The following FBXL18 variants were observed in gnomAD, a reference collection of about 807,000 sequenced individuals.
The protein encoded by FBXL18 is F-box/LRR-repeat protein 18.
A neutral mutation model predicts 46.0 loss-of-function variants in FBXL18; 36 were observed. The ratio of observed to expected loss-of-function variants is 0.78; its 90% confidence interval spans 0.60 to 1.03. The LOEUF (loss-of-function observed/expected upper bound fraction) is 1.03, where lower values mean the gene tolerates loss of function less well. FBXL18 is among the 50% of genes least tolerant of loss of function. The pLI, the probability that FBXL18 is intolerant of heterozygous loss-of-function variation, is 0.00. For missense variants in FBXL18, 977 were observed against 1,004.1 expected (o/e 0.97, Z 0.36); for synonymous variants, 557 against 465.3 (o/e 1.20, Z -2.54).
Position 5,476,898 on chromosome 7 carries a change from T to A in FBXL18, c.*4877A>T, listed in dbSNP as rs1783529335. The A allele has an allele frequency of 6.6e-6, 1 of 151,850 alleles. No homozygotes were observed. Among genetic ancestry groups the A allele is most frequent in the African/African-American group, 2.4e-5 (1 of 41,306 alleles). 9.4% of individuals were successfully genotyped at this position (151,850 alleles called of 1,614,324 possible). On this transcript the variant is annotated 3_prime_UTR_variant, in exon 5 of 5. Coordinates refer to ENST00000382368, the MANE Select transcript of FBXL18 (RefSeq NM_024963.6). ...GATCTAGAAACTTCTTTTGTTTTTT[T>A]TTTTTTTGAGACGGAGTCTCACTCT...
rs967390327 is a variant in FBXL18 at position 5,477,748 on chromosome 7, A to G, written c.*4027T>C. 1 of 150,952 alleles carries G rather than the reference A, an allele frequency of 6.6e-6. No individual in the cohort carries two copies. The highest frequency in any genetic ancestry group is 1.5e-5 in the Non-Finnish European group (1 of 67,894). The allele number at this position is 150,952 out of a possible 1,614,324, so 9.4% of individuals were successfully genotyped here. A position where few individuals can be genotyped will look rare whatever the true frequency, so the allele number is the denominator to read the frequency against. On this transcript the variant is annotated 3_prime_UTR_variant, in exon 5 of 5. Coordinates refer to ENST00000382368, the MANE Select transcript of FBXL18 (RefSeq NM_024963.6). The surrounding 1 kb of genome is among the most constrained non-coding windows in gnomAD (Gnocchi z 4.4). ...TCTGTAATTTTCAGATCCTAAAAGGAGCAGATAACAGGGGAAGAGGAGGTG... is the reference window on the plus strand; with the variant it reads ...TCTGTAATTTTCAGATCCTAAAAGGGGCAGATAACAGGGGAAGAGGAGGTG...
intron 4 of FBXL18, among the ~76,000 whole-genome samples, chr7:5,465,728 T>A (rs1783331998): frequency 1.3e-5 from 2 of 152,066 alleles, no homozygotes; most frequent in Non-Finnish European, 2.9e-5. Context: ...TTGGGTACTA[T>A]GTTCGCTATT....
At chr7:5,469,109 A>G (rs533506386) in intron 4 of FBXL18, among the ~76,000 whole-genome samples, 1 of 151,554 alleles carries the variant, frequency 6.6e-6, no homozygotes, top group African/African-American at 2.4e-5. Flanking sequence ...TGTATGAAGA[A>G]TGTGTGTAAG....
At chr7:5,500,374 GC>G in intron 3 of FBXL18, 113 bp downstream of exon 3, 1 of 991,692 alleles carries the variant, frequency 1.0e-6, no homozygotes, top group Non-Finnish European at 1.5e-6. Context: ...GCGAGGCCCC[GC>G]CCCAGCCTCT....
intron 4 of FBXL18, among the ~76,000 whole-genome samples, chr7:5,464,233 C>A (rs1783308979): frequency 6.6e-6 from 1 of 152,052 alleles, no homozygotes; most frequent in Middle Eastern, 3.4e-3. Flanking sequence ...AATCCCAGCA[C>A]TTTGGGAGGC....
chr7:5,473,645 C>T (rs1783462579), downstream of FBXL18, among the ~76,000 whole-genome samples: 2 of 151,680 alleles, frequency 1.3e-5, no homozygotes, highest in African/African-American at 4.8e-5. Context: ...GCCTCTTACC[C>T]AGCTACTCAG....
At chr7:5,458,813 G>A (rs182242689) in intron 4 of FBXL18, among the ~76,000 whole-genome samples, 3 of 152,268 alleles carry the variant, frequency 2.0e-5, no homozygotes, top group Admixed American at 1.3e-4. Context: ...TAACAGAGCA[G>A]AAATGTCAAC....
chr7:5,467,120 G>C (rs1783352191), intron 4 of FBXL18, among the ~76,000 whole-genome samples: 1 of 152,196 alleles, frequency 6.6e-6, no homozygotes, highest in Non-Finnish European at 1.5e-5. Context: ...GGGAGGCGAA[G>C]GCGGGCGGAT....
rs1469668387 is a variant in FBXL18, at chr7:5,501,622, T to C, written c.647A>G (p.Gln216Arg). 1 of 1,613,734 alleles carries C rather than the reference T, an allele frequency of 6.2e-7. No homozygotes were observed. The highest frequency in any genetic ancestry group is 8.5e-7 in the Non-Finnish European group (1 of 1,179,934). The change falls in exon 3 of 5, where the codon CAG becomes CGG. Residue 216 changes from glutamine (Q) to arginine (R), a missense_variant. Physicochemically the swap from Gln to Arg is conservative, Grantham distance 43 (BLOSUM62 1). Transcript: ENST00000382368. ...CACGTTGCTCTGGCCCACCATAAGC[T>C]GGCCCGAGAGGATGGCGCCCTCGCG... ...RTREGAILSG[Q>R]LMVGQSNVPH...
chr7:5,466,193 A>G (rs1316300120), intron 4 of FBXL18, among the ~76,000 whole-genome samples: 2 of 149,272 alleles, frequency 1.3e-5, no homozygotes, highest in East Asian at 1.9e-4. Flanking sequence ...AAAAGAAAAG[A>G]AAAAAAAAAG....
intron 4 of FBXL18, among the ~76,000 whole-genome samples, chr7:5,456,358 C>G (rs1783174802): frequency 6.6e-6 from 1 of 152,182 alleles, no homozygotes; most frequent in African/African-American, 2.4e-5. Context: ...GGGGGCAGCT[C>G]GAATCAGTGG....
chr7:5,467,982 CTT>C (rs545171582), intron 4 of FBXL18, among the ~76,000 whole-genome samples: 39 of 139,690 alleles, frequency 2.8e-4, no homozygotes, highest in Admixed American at 3.6e-4. Flanking sequence ...CAGCCTCGAA[CTT>C]TTTTTTTTTT....
chr7:5,484,617 A>T (rs1158197698), intron 4 of FBXL18, among the ~76,000 whole-genome samples: 3 of 150,950 alleles, frequency 2.0e-5, no homozygotes, highest in African/African-American at 7.3e-5. Flanking sequence ...CCACAGGCAC[A>T]CATCACCACA....
Position 5,500,629 on chromosome 7 carries a change from C to T in FBXL18, c.1640G>A (p.Gly547Asp). 1.6e-5 allele frequency: 26 copies of T among 1,613,030 alleles called. No individual in the cohort carries two copies. The highest frequency in any genetic ancestry group is 1.9e-5 in the Non-Finnish European group (22 of 1,179,798). Residue 547 changes from glycine (G) to aspartate (D), a missense_variant, in exon 3 of 5, where the codon GGC becomes GAC. Transcript: ENST00000382368. ...CAGGCCGATATTGACCAGCCCGGAGCCCGTAAGGACGCTGGGCAGCTGTGC... is the reference window on the plus strand; with the variant it reads ...CAGGCCGATATTGACCAGCCCGGAGTCCGTAAGGACGCTGGGCAGCTGTGC... ...TLAQLPSVLT[G>D]SGLVNIGLQC...
intron 4 of FBXL18, among the ~76,000 whole-genome samples, chr7:5,470,003 G>A (rs1319251007): frequency 3.3e-5 from 5 of 152,164 alleles, no homozygotes; most frequent in Middle Eastern, 3.2e-3. Context: ...TGTCTGAAGT[G>A]TACGGGTATG....
rs763892955 is a variant in FBXL18, at chr7:5,500,809, T to A, written c.1460A>T (p.His487Leu). 6.2e-7 allele frequency: 1 copy of A among 1,612,110 alleles called. No homozygotes were observed. Among genetic ancestry groups the A allele is most frequent in the African/African-American group, 1.3e-5 (1 of 74,866 alleles). The change falls in exon 3 of 5, where the codon CAC becomes CTC. Residue 487 changes from histidine to leucine, a missense_variant. His to Leu is a moderately conservative substitution (Grantham distance 99). Transcript: ENST00000382368. ...SLLKNLPFLE[H>L]LELIGSNFSS... Reference sequence around the variant, plus strand: ...GAAGTTGGACCCAATCAGCTCGAGGTGTTCCAGGAAGGGCAGGTTCTTCAG... The same window carrying A: ...GAAGTTGGACCCAATCAGCTCGAGGAGTTCCAGGAAGGGCAGGTTCTTCAG...
Position 5,476,388 on chromosome 7 carries a change from C to G in FBXL18, c.*5387G>C, listed in dbSNP as rs1468061698. On this transcript the variant is annotated 3_prime_UTR_variant, in exon 5 of 5. Transcript: ENST00000382368. ...CCGGGACCAACCCTCATTCCCAGGTCCACTGATCTGGGGTAGGAGTAGCCA... is the reference window on the plus strand; with the variant it reads ...CCGGGACCAACCCTCATTCCCAGGTGCACTGATCTGGGGTAGGAGTAGCCA... 2.6e-5 allele frequency: 4 copies of G among 152,212 alleles called. No homozygotes were observed. The highest frequency in any genetic ancestry group is 1.3e-4 in the Admixed American group (2 of 15,268). The allele number at this position is 152,212 out of a possible 1,614,324, so 9.4% of individuals were successfully genotyped here. A position where few individuals can be genotyped will look rare whatever the true frequency, so the allele number is the denominator to read the frequency against.
rs1783922442 is a variant in FBXL18, at chr7:5,491,393, C to A, written c.1838G>T (p.Cys613Phe). Reference protein sequence around the residue: ...NAQFFQALSQCPSLQRLCLVS... With the variant: ...NAQFFQALSQFPSLQRLCLVS... Reference sequence around the variant, plus strand: ...CAGGCACAGGCGCTGCAGCGAGGGGCACTGGCTCAGCGCCTGGAAGAACTG... The same window carrying A: ...CAGGCACAGGCGCTGCAGCGAGGGGAACTGGCTCAGCGCCTGGAAGAACTG... The change falls in exon 4 of 5, where the codon TGC (cysteine) becomes TTC (phenylalanine). Residue 613 changes from cysteine (C) to phenylalanine (F), a missense_variant. By Grantham distance (205) the Cys-to-Phe change is radical. Transcript: ENST00000382368. 6.2e-7 allele frequency: 1 copy of A among 1,606,544 alleles called. No homozygotes were observed. The highest frequency in any genetic ancestry group is 1.7e-5 in the Admixed American group (1 of 58,662).
downstream of FBXL18, among the ~76,000 whole-genome samples, chr7:5,473,740 G>A (rs1319571224): frequency 1.4e-5 from 2 of 140,626 alleles, no homozygotes; most frequent in South Asian, 2.2e-4. Context: ...CAGCCTGGGC[G>A]ACAGAATGGG....
Sources: gnomAD v4.1 joint callset for allele counts (sites outside exome capture counted in the v4.1 genomes callset) on GRCh38, gnomAD v4.1.1 for gene constraint, Gnocchi (gnomAD v3.1) non-coding constraint, MANE v1.5 for transcripts, NCBI Gene and HGNC (gene_info 2026-07-23, HGNC 2026-07-21) for gene names.